Variants in KCNK13 observed in about 807,000 individuals in gnomAD.
KCNK13 encodes the protein potassium two pore domain channel subfamily K member 13.
A neutral mutation model predicts 23.4 loss-of-function variants in KCNK13; 12 were observed. The observed-to-expected ratio is 0.51, with a 90% CI of 0.33 to 0.83. The LOEUF is 0.83. KCNK13 is among the 40% of genes least tolerant of loss of function. The pLI is 0.02. For missense variants in KCNK13, 463 were observed against 556.3 expected (o/e 0.83, Z 1.69); for synonymous variants, 231 against 229.5 (o/e 1.01, Z -0.06).
chr14:90,156,203 CA>C (rs58520501), intron 1 of KCNK13, among the ~76,000 whole-genome samples: 58,048 of 131,804 alleles, frequency 0.44, 11,845 homozygotes, highest in African/African-American at 0.48. Context: ...AGAGTCTGGC[CA>C]AAAAAAAAAA....
intron 1 of KCNK13, among the ~76,000 whole-genome samples, chr14:90,080,023 G>A (rs1447314115): frequency 6.6e-6 from 1 of 152,232 alleles, no homozygotes; most frequent in Non-Finnish European, 1.5e-5. Flanking sequence ...ACACACTAGT[G>A]AGAGTCACTT....
intron 1 of KCNK13, among the ~76,000 whole-genome samples, chr14:90,158,937 G>A (rs993327190): frequency 3.9e-5 from 6 of 152,214 alleles, no homozygotes; most frequent in Admixed American, 1.3e-4. Context: ...GCACACTTGG[G>A]AGCTCCAGAA....
rs1011034562 is a variant in KCNK13, at chr14:90,118,187, C to G, written c.334+55648C>G. Among the ~76,000 whole-genome samples, 4 of 152,156 alleles carry G rather than the reference C, an allele frequency of 2.6e-5. No individual in the cohort carries two copies. The South Asian group carries it at 8.3e-4, about 31-fold the overall frequency. ...TAAATGCAGTGAAGGCACCGTTACC[C>G]ATCATGCTTCTACATATGTGTACAG... On this transcript the variant is annotated intron_variant, in intron 1 of 1. Transcript: ENST00000282146.
intron 1 of KCNK13, among the ~76,000 whole-genome samples, chr14:90,067,458 G>C (rs765912595): frequency 1.3e-5 from 2 of 152,124 alleles, no homozygotes; most frequent in Admixed American, 1.3e-4. Context: ...GCTGAGGGAC[G>C]GCCAGAAGTG....
chr14:90,076,811 TA>T (rs979120044), intron 1 of KCNK13, among the ~76,000 whole-genome samples: 84 of 152,020 alleles, frequency 5.5e-4, no homozygotes, highest in African/African-American at 1.5e-3. Flanking sequence ...TTCTGGAGAT[TA>T]AAAAAAAATT....
At chr14:90,170,416 G>C (rs961132120) in intron 1 of KCNK13, among the ~76,000 whole-genome samples, 2 of 152,124 alleles carry the variant, frequency 1.3e-5, no homozygotes, top group African/African-American at 4.8e-5. Flanking sequence ...GTTTCTCTGT[G>C]TTGGCCAGGC....
intron 1 of KCNK13, among the ~76,000 whole-genome samples, chr14:90,115,738 G>A (rs1370010613): frequency 6.6e-6 from 1 of 152,210 alleles, no homozygotes; most frequent in Non-Finnish European, 1.5e-5. Context: ...TCTAGGTTGT[G>A]GGCCATGGTT....
rs1889489655 is a variant in KCNK13, at chr14:90,102,180, G to A, written c.334+39641G>A. Among the ~76,000 whole-genome samples, 3 of 152,220 alleles carry A rather than the reference G, an allele frequency of 2.0e-5. No homozygotes were observed. The South Asian group carries it at 6.2e-4, about 32-fold the overall frequency. ...TTATGGGCATGAGCCAACGTGCCCA[G>A]CCAGAAATAAAAAATTTTTAAAAAG... On this transcript the variant is annotated intron_variant, in intron 1 of 1. Coordinates refer to ENST00000282146, the MANE Select transcript of KCNK13 (RefSeq NM_022054.4).
At chr14:90,107,078 C>T (rs1018082531) in intron 1 of KCNK13, among the ~76,000 whole-genome samples, 2 of 152,070 alleles carry the variant, frequency 1.3e-5, no homozygotes, top group Non-Finnish European at 2.9e-5. Context: ...ATGAAGCGCT[C>T]GGGTGTTTGT....
In KCNK13 at chr14:90,184,943, G is replaced by C. The variant is rs745589554; in HGVS notation, c.1167G>C (p.Gly389=). ...STLARDNEFS[G]GVGAFAIMNN... is the part of the protein sequence containing the mutation. ...TGGCCCGGGACAATGAATTCTCAGG[G>C]GGGGTGGGAGCCTTTGCAATCATGA... Residue 389 remains glycine (G), a synonymous_variant, in exon 2 of 2, where the codon GGG becomes GGC. Coordinates refer to ENST00000282146, the MANE Select transcript of KCNK13 (RefSeq NM_022054.4). The surrounding 1 kb of genome is among the most constrained non-coding windows in gnomAD (Gnocchi z 5.6). The C allele has an allele frequency of 2.0e-5, 33 of 1,612,196 alleles. No individual in the cohort carries two copies. The highest frequency in any genetic ancestry group is 1.5e-4 in the South Asian group (14 of 90,920).
intron 1 of KCNK13, among the ~76,000 whole-genome samples, chr14:90,099,623 A>C (rs113243012): frequency 0.014 from 2,145 of 152,290 alleles, 59 homozygotes; most frequent in African/African-American, 0.048. Flanking sequence ...CTGATTGTTT[A>C]GGCAAATGTT....
chr14:90,170,492 G>A (rs1328071430), intron 1 of KCNK13, among the ~76,000 whole-genome samples: 16 of 152,210 alleles, frequency 1.1e-4, no homozygotes, highest in Admixed American at 1.0e-3. Flanking sequence ...GGGATTACAG[G>A]CGTGAGCCAC....
chr14:90,081,256 A>G (rs1306419373), intron 1 of KCNK13, among the ~76,000 whole-genome samples: 5 of 152,226 alleles, frequency 3.3e-5, no homozygotes, highest in Non-Finnish European at 5.9e-5. Flanking sequence ...TCAATTATTA[A>G]CTGCAAGGTG....
intron 1 of KCNK13, among the ~76,000 whole-genome samples, chr14:90,160,463 A>G (rs1890240851): frequency 6.6e-6 from 1 of 152,194 alleles, no homozygotes; most frequent in African/African-American, 2.4e-5. Context: ...TACAAACAGA[A>G]AGGGCATTTA....
At position 90,184,980 on chromosome 14, in the gene KCNK13, G is replaced by A. The variant is rs139846020; in HGVS notation, c.1204G>A (p.Ala402Thr). Reference protein sequence around the residue: ...GAFAIMNNRLAETSGDR With the variant: ...GAFAIMNNRLTETSGDR ...CTTTGCAATCATGAACAACAGGTTG[G>A]CAGAGACCAGTGGGGACAGGTAGAA... Residue 402 changes from alanine to threonine, a missense_variant, in exon 2 of 2, where the codon GCA (alanine) becomes ACA (threonine). Ala to Thr is a moderately conservative substitution (Grantham distance 58). Coordinates refer to ENST00000282146, the MANE Select transcript of KCNK13 (RefSeq NM_022054.4). The surrounding 1 kb of genome is among the most constrained non-coding windows in gnomAD (Gnocchi z 5.6). 3.9e-4 allele frequency: 622 copies of A among 1,599,320 alleles called. 1 individual carries two copies. Among genetic ancestry groups the A allele is most frequent in the Middle Eastern group, 6.7e-4 (4 of 5,980 alleles).
chr14:90,156,716 G>A (rs954819525), intron 1 of KCNK13, among the ~76,000 whole-genome samples: 2 of 152,154 alleles, frequency 1.3e-5, no homozygotes, highest in Admixed American at 1.3e-4. Flanking sequence ...CCATTCCACA[G>A]ATGAGGCATA....
chr14:90,177,940 T>G (rs964968066), intron 1 of KCNK13, among the ~76,000 whole-genome samples: 3 of 152,184 alleles, frequency 2.0e-5, no homozygotes, highest in Non-Finnish European at 4.4e-5. Flanking sequence ...CAAAGTTTAT[T>G]CCTTCATCCA....
chr14:90,144,495 CTTTTT>C (rs71117323), intron 1 of KCNK13, among the ~76,000 whole-genome samples: 8,185 of 119,238 alleles, frequency 0.069, 352 homozygotes, highest in South Asian at 0.24. Context: ...TTTACTTTCT[CTTTTT>C]TTTTTTTTTT....
intron 1 of KCNK13, among the ~76,000 whole-genome samples, chr14:90,088,637 GC>G (rs1449775269): frequency 1.3e-5 from 2 of 152,126 alleles, no homozygotes; most frequent in African/African-American, 4.8e-5. Flanking sequence ...GCAATGTCAG[GC>G]CCACATTCCT....
Sources: gnomAD v4.1 joint callset for allele counts (sites outside exome capture counted in the v4.1 genomes callset) on GRCh38, gnomAD v4.1.1 for gene constraint, Gnocchi (gnomAD v3.1) non-coding constraint, MANE v1.5 for transcripts, NCBI Gene and HGNC (gene_info 2026-07-23, HGNC 2026-07-21) for gene names.